The following CNTN5 variants were observed in gnomAD, a reference collection of about 807,000 sequenced individuals.
CNTN5 encodes contactin-5.
In CNTN5, 77 loss-of-function variants were observed where a neutral mutation model predicts 129.1. The observed-to-expected ratio is 0.60, with a 90% confidence interval of 0.50 to 0.72. CNTN5 has a LOEUF of 0.72. Ranked by LOEUF, CNTN5 falls within the 30% of genes least tolerant of loss-of-function variation. The pLI is 0.00. For synonymous variants in CNTN5, 509 were observed against 465.6 expected (o/e 1.09, Z -1.20); for missense variants, 1,478 against 1,328.8 (o/e 1.11, Z -1.75).
At chr11:99,969,178 C>G (rs1366405940) in intron 8 of CNTN5, among the ~76,000 whole-genome samples, 2 of 152,072 alleles carry the variant, frequency 1.3e-5, no homozygotes, top group East Asian at 3.9e-4. Context: ...TATGAACTCT[C>G]TCAATTTGTC....
intron 13 of CNTN5, among the ~76,000 whole-genome samples, chr11:100,154,176 C>T (rs1158794294): frequency 3.9e-5 from 6 of 152,012 alleles, no homozygotes; most frequent in African/African-American, 9.7e-5. Flanking sequence ...TCATTGTTTA[C>T]TGCCGCTAAT....
chr11:99,087,565 C>A (rs1591170002), intron 1 of CNTN5, among the ~76,000 whole-genome samples: 1 of 152,260 alleles, frequency 6.6e-6, no homozygotes, highest in East Asian at 1.9e-4. Flanking sequence ...TCTTTTACAG[C>A]ATTTACCACC....
At chr11:100,216,264 C>G (rs1192987714) in intron 15 of CNTN5, among the ~76,000 whole-genome samples, 1 of 151,980 alleles carries the variant, frequency 6.6e-6, no homozygotes, top group Admixed American at 6.6e-5. Context: ...AGGAAGAGAC[C>G]AGATTTGTGT....
chr11:99,689,870 C>G (rs976599898), intron 3 of CNTN5, among the ~76,000 whole-genome samples: 9 of 152,068 alleles, frequency 5.9e-5, no homozygotes, highest in African/African-American at 2.2e-4. Flanking sequence ...TTCTCCCATT[C>G]TGTAGGTTGT....
intron 2 of CNTN5, among the ~76,000 whole-genome samples, chr11:99,349,291 C>A (rs935266634): frequency 1.3e-5 from 2 of 152,108 alleles, no homozygotes; most frequent in Admixed American, 1.3e-4. Flanking sequence ...TTCAATACTC[C>A]TCCATAGTCA....
intron 6 of CNTN5, among the ~76,000 whole-genome samples, chr11:99,863,145 C>T (rs984316715): frequency 1.3e-5 from 2 of 152,216 alleles, no homozygotes; most frequent in East Asian, 1.9e-4. Flanking sequence ...CTATTTATGG[C>T]CTCTCTCCTA....
Position 100,093,016 on chromosome 11 carries a change from A to T in CNTN5, c.1580+18722A>T, listed in dbSNP as rs115216363. 2.2e-3 allele frequency among the ~76,000 whole-genome samples: 342 copies of T among 152,206 alleles called. 1 individual carries two copies. Among genetic ancestry groups the T allele is most frequent in the African/African-American group, 7.3e-3 (305 of 41,550 alleles). ...ATCCTCTTGCCTCATTTCATGGGTCATTTATATGTACATGAGCCTCTTCAG... is the reference window on the plus strand; with the variant it reads ...ATCCTCTTGCCTCATTTCATGGGTCTTTTATATGTACATGAGCCTCTTCAG... On this transcript the variant is annotated intron_variant, in intron 13 of 24. Transcript: ENST00000524871.
At chr11:100,000,189 A>T (rs1939769267) in intron 8 of CNTN5, among the ~76,000 whole-genome samples, 2 of 152,062 alleles carry the variant, frequency 1.3e-5, no homozygotes, top group African/African-American at 4.8e-5. Context: ...AATAAATAAA[A>T]AGTCCAAGTC....
At chr11:99,215,009 AT>A (rs1247583905) in intron 1 of CNTN5, among the ~76,000 whole-genome samples, 1 of 152,056 alleles carries the variant, frequency 6.6e-6, no homozygotes. Context: ...TAATTTTCAT[AT>A]CATGAAGTGC....
chr11:99,686,398 GTTTCTTTTTGCTTCCTTTTA>G (rs1175061646), intron 3 of CNTN5, among the ~76,000 whole-genome samples: 1 of 151,620 alleles, frequency 6.6e-6, no homozygotes, highest in East Asian at 1.9e-4. Context: ...GAGAATTTCG[GTTTCTTTTTGCTTCCTTTTA>G]TTTTCTATAT....
At chr11:99,067,575 T>C (rs1865154666) in intron 1 of CNTN5, among the ~76,000 whole-genome samples, 2 of 152,194 alleles carry the variant, frequency 1.3e-5, no homozygotes, top group African/African-American at 2.4e-5. Flanking sequence ...ATAAATGGTA[T>C]GGGAAGGAGA....
chr11:99,509,362 G>T (rs1263493673), intron 2 of CNTN5, among the ~76,000 whole-genome samples: 1 of 152,116 alleles, frequency 6.6e-6, no homozygotes, highest in Non-Finnish European at 1.5e-5. Flanking sequence ...AAACATTAAA[G>T]ATTTAATTTG....
At chr11:100,334,163 A>G (rs1481815123) in intron 21 of CNTN5, among the ~76,000 whole-genome samples, 1 of 152,230 alleles carries the variant, frequency 6.6e-6, no homozygotes, top group Non-Finnish European at 1.5e-5. Context: ...CAAACTGCCA[A>G]CAAACATATG....
chr11:99,991,583 G>C (rs1939101604), intron 8 of CNTN5, among the ~76,000 whole-genome samples: 1 of 152,182 alleles, frequency 6.6e-6, no homozygotes, highest in Non-Finnish European at 1.5e-5. Flanking sequence ...ATGAGAGAAT[G>C]GCAAGATGCT....
At chr11:99,622,783 T>G (rs1303819892) in intron 3 of CNTN5, among the ~76,000 whole-genome samples, 1 of 152,070 alleles carries the variant, frequency 6.6e-6, no homozygotes, top group African/African-American at 2.4e-5. Context: ...TTTTGCTAAC[T>G]TGTTAATTGA....
chr11:99,984,727 T>C (rs1293430760), intron 8 of CNTN5, among the ~76,000 whole-genome samples: 1 of 152,150 alleles, frequency 6.6e-6, no homozygotes, highest in Non-Finnish European at 1.5e-5. Flanking sequence ...ATACAGCATA[T>C]TTGGAAAATA....
intron 8 of CNTN5, among the ~76,000 whole-genome samples, chr11:99,985,481 T>C (rs1438040051): frequency 1.3e-5 from 2 of 152,026 alleles, no homozygotes; most frequent in African/African-American, 4.8e-5. Context: ...CACAGGATGA[T>C]GGGTAGGGTG....
chr11:99,726,449 A>G (rs542706001), intron 3 of CNTN5, among the ~76,000 whole-genome samples: 3 of 152,210 alleles, frequency 2.0e-5, no homozygotes, highest in Non-Finnish European at 4.4e-5. Flanking sequence ...CACCGAAATT[A>G]CTACATGTTT....
At chr11:99,435,749 T>C (rs1591052920) in intron 2 of CNTN5, among the ~76,000 whole-genome samples, 1 of 152,348 alleles carries the variant, frequency 6.6e-6, no homozygotes. Context: ...ACACTATTTC[T>C]TGCATAGTGA....
Sources: allele counts gnomAD v4.1 joint callset (sites outside exome capture counted in the v4.1 genomes callset), GRCh38; gene constraint gnomAD v4.1.1; transcripts MANE v1.5; gene names NCBI Gene and HGNC (gene_info 2026-07-23, HGNC 2026-07-21).